PKHD1: variants seen among roughly 807,000 people sequenced by gnomAD.
The protein encoded by PKHD1 is PKHD1 ciliary IPT domain containing fibrocystin/polyductin.
In PKHD1, 291 loss-of-function variants were observed where a neutral mutation model predicts 412.0. That is an observed-to-expected ratio of 0.71 (90% CI 0.64 to 0.78). The LOEUF is 0.78. Ranked by LOEUF, PKHD1 falls within the 30% of genes least tolerant of loss-of-function variation. The pLI is 0.00. For synonymous variants in PKHD1, 1,777 were observed against 1,821.5 expected, an observed-to-expected ratio of 0.98 and a Z score of 0.62; for missense variants, 4,825 against 4,950.7, an observed-to-expected ratio of 0.97 and a Z score of 0.76.
At chr6:51,824,961 C>T (rs1188314390) in intron 52 of PKHD1, among the ~76,000 whole-genome samples, 2 of 152,074 alleles carry the variant, frequency 1.3e-5, no homozygotes, top group Admixed American at 1.3e-4. Context: ...TAACACTAAG[C>T]ATTATAGGTA....
At chr6:51,885,198 G>A (rs1778019899) in intron 45 of PKHD1, among the ~76,000 whole-genome samples, 1 of 152,134 alleles carries the variant, frequency 6.6e-6, no homozygotes, top group South Asian at 2.1e-4. Flanking sequence ...TTTACATGTT[G>A]CTGTTAGCAG....
intron 37 of PKHD1, among the ~76,000 whole-genome samples, chr6:51,919,188 C>T (rs1784296465): frequency 6.6e-6 from 1 of 152,210 alleles, no homozygotes; most frequent in Non-Finnish European, 1.5e-5. Flanking sequence ...ATGTTTTAGT[C>T]ATGAAGTCCT....
rs766623264 is a variant in PKHD1, at chr6:52,056,830, C to T, written c.1603-42G>A. 6 of 1,582,446 alleles carry T rather than the reference C, an allele frequency of 3.8e-6. No homozygotes were observed. The East Asian group carries it at 1.3e-4, about 35-fold the overall frequency. ...AAATGCCAGGAATTTATATCATGAG[C>T]ATAAAGACCACCCCCAGTTCTCCCA... On this transcript the variant is annotated intron_variant, in intron 17 of 66. Transcript: ENST00000371117.
chr6:51,649,783 C>G (rs1164293759), intron 61 of PKHD1, among the ~76,000 whole-genome samples: 1 of 152,148 alleles, frequency 6.6e-6, no homozygotes, highest in Non-Finnish European at 1.5e-5. Context: ...TTAATCTTCA[C>G]AACAAGCCAT....
At chr6:51,859,964 A>G (rs1773928865) in intron 48 of PKHD1, among the ~76,000 whole-genome samples, 1 of 152,190 alleles carries the variant, frequency 6.6e-6, no homozygotes, top group African/African-American at 2.4e-5. Context: ...ATACCATAGC[A>G]CACTGTGATC....
chr6:52,008,032 G>A (rs1404822128), intron 35 of PKHD1, among the ~76,000 whole-genome samples: 1 of 152,136 alleles, frequency 6.6e-6, no homozygotes, highest in Non-Finnish European at 1.5e-5. Context: ...TCGAAACTAT[G>A]ACATTATCAC....
At position 51,783,079 on chromosome 6, in the gene PKHD1, A is replaced by T. The variant is rs368266209; in HGVS notation, c.8441-7158T>A. Among the ~76,000 whole-genome samples, 8 of 152,176 alleles carry T rather than the reference A, an allele frequency of 5.3e-5. No individual in the cohort carries two copies. In the East Asian group the frequency reaches 7.7e-4, roughly 15 times the overall value. On this transcript the variant is annotated intron_variant, in intron 53 of 66. Coordinates refer to ENST00000371117, the MANE Select transcript of PKHD1 (RefSeq NM_138694.4). Reference sequence around the variant, plus strand: ...AGGCTTCTGGCTACAAATGTGAGACAGGGCTGACAAATACCCATCACTGAC... The same window carrying T: ...AGGCTTCTGGCTACAAATGTGAGACTGGGCTGACAAATACCCATCACTGAC...
At chr6:51,751,682 G>T (rs1456758853) in intron 57 of PKHD1, among the ~76,000 whole-genome samples, 1 of 152,058 alleles carries the variant, frequency 6.6e-6, no homozygotes, top group Non-Finnish European at 1.5e-5. Context: ...TATTTATTAA[G>T]TACCTAATGT....
intron 52 of PKHD1, among the ~76,000 whole-genome samples, chr6:51,824,889 G>A (rs894707929): frequency 6.6e-6 from 1 of 152,116 alleles, no homozygotes; most frequent in Non-Finnish European, 1.5e-5. Flanking sequence ...CCAAATTGGG[G>A]GCCCAATTAT....
At chr6:51,635,858 T>TGGGGGG (rs1189431938) in intron 64 of PKHD1, among the ~76,000 whole-genome samples, 15 of 16,346 alleles carry the variant, frequency 9.2e-4, no homozygotes, top group Non-Finnish European at 1.4e-3. Flanking sequence ...GTGGTGAAGG[T>TGGGGGG]GGGGGGGGGC....
intron 40 of PKHD1, 85 bp from the exon 41 acceptor site, chr6:51,906,425 A>T: frequency 4.9e-6 from 5 of 1,013,210 alleles, no homozygotes; most frequent in Non-Finnish European, 7.8e-6. Context: ...ACTGTAGCTA[A>T]AGACATTCTC....
At chr6:51,624,719 C>G (rs903975483) in intron 66 of PKHD1, among the ~76,000 whole-genome samples, 1 of 152,166 alleles carries the variant, frequency 6.6e-6, no homozygotes, top group Non-Finnish European at 1.5e-5. Flanking sequence ...TTTACTGACA[C>G]CAATTCACTT....
chr6:51,713,182 C>A (rs386465093), intron 60 of PKHD1, among the ~76,000 whole-genome samples: 1 of 152,280 alleles, frequency 6.6e-6, no homozygotes, highest in Non-Finnish European at 1.5e-5. Flanking sequence ...GAAATTTAGT[C>A]TTTCTAACCA....
chr6:51,674,013 T>C (rs937158451), intron 60 of PKHD1, among the ~76,000 whole-genome samples: 4 of 152,104 alleles, frequency 2.6e-5, no homozygotes, highest in African/African-American at 9.7e-5. Context: ...AGATGGTAGA[T>C]AGAGAGTGGT....
intron 53 of PKHD1, among the ~76,000 whole-genome samples, chr6:51,786,961 C>T (rs979724128): frequency 6.6e-6 from 1 of 152,212 alleles, no homozygotes; most frequent in Non-Finnish European, 1.5e-5. Flanking sequence ...AGCTATGGCC[C>T]TCTAAGCAAA....
At chr6:51,773,263 T>C (rs1203044540) in intron 54 of PKHD1, among the ~76,000 whole-genome samples, 2 of 151,998 alleles carry the variant, frequency 1.3e-5, no homozygotes, top group Non-Finnish European at 2.9e-5. Context: ...TATTTTGTCT[T>C]ATAAATATCA....
chr6:51,846,127 C>A (rs1771098282), intron 50 of PKHD1, among the ~76,000 whole-genome samples: 1 of 152,108 alleles, frequency 6.6e-6, no homozygotes, highest in African/African-American at 2.4e-5. Flanking sequence ...ATGAATGGAT[C>A]AAATCAGAAA....
chr6:51,993,518 C>CA (rs774888898), intron 35 of PKHD1, among the ~76,000 whole-genome samples: 4 of 151,864 alleles, frequency 2.6e-5, no homozygotes, highest in East Asian at 1.9e-4. Context: ...TACACAGATG[C>CA]AAAAAAGAGG....
chr6:51,940,970 T>C (rs1470057298), intron 36 of PKHD1, among the ~76,000 whole-genome samples: 3 of 151,358 alleles, frequency 2.0e-5, no homozygotes, highest in Non-Finnish European at 3.0e-5. Context: ...ATTATCTGCT[T>C]CCCTCACTGT....
Sources: allele counts gnomAD v4.1 joint callset (sites outside exome capture counted in the v4.1 genomes callset), GRCh38; gene constraint gnomAD v4.1.1; transcripts MANE v1.5; gene names NCBI Gene and HGNC (gene_info 2026-07-23, HGNC 2026-07-21).